CNTN5: variants seen among roughly 807,000 people sequenced by gnomAD.
The protein encoded by CNTN5 is contactin 5.
Under a neutral mutation model 129.1 loss-of-function variants are expected in CNTN5, and 77 were observed. The observed-to-expected ratio is 0.60, with a 90% CI of 0.50 to 0.72. The LOEUF (loss-of-function observed/expected upper bound fraction) is 0.72. CNTN5 is among the 30% of genes least tolerant of loss of function. CNTN5 has a pLI of 0.00. For missense variants in CNTN5, 1,478 were observed against 1,328.8 expected (o/e 1.11, Z -1.75); for synonymous variants, 509 against 465.6 (o/e 1.09, Z -1.20).
chr11:99,794,516 T>G (rs117568093), intron 3 of CNTN5, among the ~76,000 whole-genome samples: 5,395 of 152,312 alleles, frequency 0.035, 142 homozygotes, highest in South Asian at 0.097. Context: ...TGCTTTATAG[T>G]GTCACTGGTC....
At chr11:99,609,555 A>T (rs977349854) in intron 3 of CNTN5, among the ~76,000 whole-genome samples, 27 of 152,252 alleles carry the variant, frequency 1.8e-4, no homozygotes, top group African/African-American at 6.0e-4. Flanking sequence ...TTAGGAATTG[A>T]TTATTAGGGA....
chr11:99,573,329 G>A (rs2135583321), intron 3 of CNTN5, among the ~76,000 whole-genome samples: 1 of 152,140 alleles, frequency 6.6e-6, no homozygotes, highest in South Asian at 2.1e-4. Context: ...CCAGCACTTT[G>A]GGCGGCCTAG....
At chr11:99,798,501 A>G (rs539467607) in intron 3 of CNTN5, among the ~76,000 whole-genome samples, 14 of 152,182 alleles carry the variant, frequency 9.2e-5, no homozygotes, top group Non-Finnish European at 1.9e-4. Context: ...CAGCTATCCC[A>G]GCATCATTTT....
chr11:99,408,495 A>AAAGG (rs1942236279), intron 2 of CNTN5, among the ~76,000 whole-genome samples: 1 of 145,300 alleles, frequency 6.9e-6, no homozygotes, highest in East Asian at 2.1e-4. Context: ...AGAAAGAAAG[A>AAAGG]AAGAAAGAAA....
At chr11:99,026,030 A>G (rs1863093930) in intron 1 of CNTN5, among the ~76,000 whole-genome samples, 1 of 151,690 alleles carries the variant, frequency 6.6e-6, no homozygotes, top group Non-Finnish European at 1.5e-5. Context: ...TAAGTGTACT[A>G]AACTAGACAA....
intron 8 of CNTN5, among the ~76,000 whole-genome samples, chr11:99,972,360 C>A (rs760848445): frequency 6.6e-6 from 1 of 152,122 alleles, no homozygotes; most frequent in South Asian, 2.1e-4. Context: ...TAGAAAGCAG[C>A]CTTTTTTCAC....
Position 100,193,704 on chromosome 11 carries a change from T to C in CNTN5, c.1884+41T>C, listed in dbSNP as rs202077326. ...TTTATTCTTTTAGTAATGATAACTT[T>C]AGAAATTTTGAATCAAATGTAAGAC... is the stretch of plus-strand genomic sequence containing the variant. On this transcript the variant is annotated intron_variant, in intron 15 of 24. Coordinates refer to ENST00000524871, the MANE Select transcript of CNTN5 (RefSeq NM_014361.4). 8.9e-6 allele frequency: 14 copies of C among 1,564,250 alleles called. 1 individual carries two copies. The Middle Eastern group carries it at 5.1e-4, about 57-fold the overall frequency.
intron 13 of CNTN5, among the ~76,000 whole-genome samples, chr11:100,144,428 T>A (rs2138271814): frequency 6.6e-6 from 1 of 152,272 alleles, no homozygotes; most frequent in East Asian, 1.9e-4. Flanking sequence ...TTTATGTCTG[T>A]GTGTACCCAC....
intron 9 of CNTN5, among the ~76,000 whole-genome samples, chr11:100,050,206 C>T (rs1003866260): frequency 1.3e-5 from 2 of 152,078 alleles, no homozygotes; most frequent in Non-Finnish European, 2.9e-5. Context: ...TTCACAATAG[C>T]AAAGAATTGG....
At chr11:99,278,879 A>G (rs760035501) in intron 1 of CNTN5, among the ~76,000 whole-genome samples, 72 of 151,868 alleles carry the variant, frequency 4.7e-4, no homozygotes, top group Non-Finnish European at 9.3e-4. Context: ...GTTCTACAAC[A>G]TTCTTGGTAG....
intron 3 of CNTN5, among the ~76,000 whole-genome samples, chr11:99,624,572 A>C (rs1358884128): frequency 6.6e-6 from 1 of 152,116 alleles, no homozygotes; most frequent in African/African-American, 2.4e-5. Context: ...TATTGCCAGA[A>C]CAAGTTTTTG....
Position 99,845,042 on chromosome 11 carries a change from T to A in CNTN5, c.402-45T>A, listed in dbSNP as rs200825325. ...CTTTCCATCAATGATATTCTGACACTCTCAGGGAGGATTATACATATTTGT... is the reference window on the plus strand; with the variant it reads ...CTTTCCATCAATGATATTCTGACACACTCAGGGAGGATTATACATATTTGT... On this transcript the variant is annotated intron_variant, in intron 5 of 24. Transcript: ENST00000524871. The A allele has an allele frequency of 7.5e-6, 12 of 1,610,382 alleles. No individual in the cohort carries two copies. In the South Asian group the frequency reaches 1.2e-4, roughly 16 times the overall value.
intron 1 of CNTN5, among the ~76,000 whole-genome samples, chr11:99,215,382 A>T (rs1860062859): frequency 1.3e-5 from 2 of 152,132 alleles, no homozygotes; most frequent in South Asian, 4.1e-4. Context: ...TGCTTGGATA[A>T]CAGCTGAAAT....
intron 18 of CNTN5, among the ~76,000 whole-genome samples, chr11:100,286,917 T>A (rs1375299328): frequency 6.6e-6 from 1 of 152,020 alleles, no homozygotes; most frequent in African/African-American, 2.4e-5. Flanking sequence ...TTAAAGGAGC[T>A]GATGGAGCTG....
At chr11:100,337,209 A>G (rs878874454) in intron 21 of CNTN5, 2 of 1,540,306 alleles carry the variant, frequency 1.3e-6, no homozygotes, top group Non-Finnish European at 1.8e-6. Flanking sequence ...AAAACACTGT[A>G]GTTCCTCCAG....
chr11:100,051,292 G>A (rs780600395), intron 9 of CNTN5, among the ~76,000 whole-genome samples: 59 of 151,988 alleles, frequency 3.9e-4, no homozygotes, highest in Non-Finnish European at 6.9e-4. Context: ...AACGAAGAGC[G>A]TATGCTCTCT....
At chr11:99,829,128 A>T (rs548707097) in intron 4 of CNTN5, among the ~76,000 whole-genome samples, 11 of 152,210 alleles carry the variant, frequency 7.2e-5, no homozygotes, top group Non-Finnish European at 1.2e-4. Context: ...TCTTTTGAAG[A>T]TATTCCCTGG....
chr11:99,478,164 A>G (rs1486710848), intron 2 of CNTN5, among the ~76,000 whole-genome samples: 3 of 152,154 alleles, frequency 2.0e-5, no homozygotes, highest in Admixed American at 6.5e-5. Context: ...GAGTCTGGGC[A>G]TGGCTGGGCT....
intron 1 of CNTN5, among the ~76,000 whole-genome samples, chr11:99,202,797 C>T (rs1342670291): frequency 6.6e-6 from 1 of 150,628 alleles, no homozygotes; most frequent in East Asian, 1.9e-4. Flanking sequence ...TATTTTAAGT[C>T]ATAATTTAAT....
Sources: gnomAD v4.1 joint callset for allele counts (sites outside exome capture counted in the v4.1 genomes callset) on GRCh38, gnomAD v4.1.1 for gene constraint, MANE v1.5 for transcripts, NCBI Gene and HGNC (gene_info 2026-07-23, HGNC 2026-07-21) for gene names.